Variants in B4GALT3 observed in about 807,000 individuals in gnomAD.
The protein encoded by B4GALT3 is N-acetyllactosamine synthase.
B4GALT3 carries 29 observed loss-of-function variants against 40.7 expected under a neutral mutation model. The ratio of observed to expected loss-of-function variants is 0.71; its 90% CI spans 0.53 to 0.97. The LOEUF (loss-of-function observed/expected upper bound fraction) is 0.97. Ranked by LOEUF, B4GALT3 falls within the 50% of genes least tolerant of loss-of-function variation. B4GALT3 has a pLI of 0.00. For missense variants in B4GALT3, 390 were observed against 522.3 expected (o/e 0.75, Z 2.47); for synonymous variants, 182 against 203.9 (o/e 0.89, Z 0.92).
Position 161,175,865 on chromosome 1 carries a change from C to T in B4GALT3, c.196G>A (p.Gly66Arg). The change falls in exon 3 of 8, where the codon GGG becomes AGG. Residue 66 changes from glycine to arginine, a missense_variant. Physicochemically the swap from Gly to Arg is moderately radical, Grantham distance 125 (BLOSUM62 -2). This residue lies in a region of B4GALT3 where 183 missense variants were observed against 223.2 expected (regional missense o/e 0.82). Coordinates refer to ENST00000319769, the MANE Select transcript of B4GALT3 (RefSeq NM_003779.4). Reference protein sequence around the residue: ...SNLSHLPGAPGGPPAPQGLPY... With the variant: ...SNLSHLPGAPRGPPAPQGLPY... ...AGACCTTGAGGAGCTGGAGGACCCCCTGGGGCCCCAGGCAGGTGACTGAGG... is the reference window on the plus strand; with the variant it reads ...AGACCTTGAGGAGCTGGAGGACCCCTTGGGGCCCCAGGCAGGTGACTGAGG... 1 of 1,614,154 alleles carries T rather than the reference C, an allele frequency of 6.2e-7. No homozygotes were observed. Among genetic ancestry groups the T allele is most frequent in the Non-Finnish European group, 8.5e-7 (1 of 1,180,032 alleles).
intron 3 of B4GALT3, among the ~76,000 whole-genome samples, 157 bp downstream of exon 3, chr1:161,175,651 A>G (rs1663219082): frequency 6.6e-6 from 1 of 151,846 alleles, no homozygotes; most frequent in Non-Finnish European, 1.5e-5. Context: ...CTCTATCTCA[A>G]CCTCAGCCCT....
chr1:161,171,894 C>G lies in B4GALT3; in HGVS notation c.1104G>C (p.Glu368Asp). 2.5e-6 allele frequency: 4 copies of G among 1,614,198 alleles called. No individual in the cohort carries two copies. The highest frequency in any genetic ancestry group is 3.4e-6 in the Non-Finnish European group (4 of 1,180,024). ...PPGSSQAFRQ[E>D]MLQRRPPARP... ...TGGCTGGGGGCCGGCGTTGCAGCAT[C>G]TCTTGACGGAAGGCTTGGGAGGAAC... The change falls in exon 8 of 8, where the codon GAG becomes GAC. Residue 368 changes from glutamate to aspartate, a missense_variant. Transcript: ENST00000319769.
chr1:161,171,547 A>T lies in B4GALT3; in HGVS notation c.*269T>A, dbSNP rs1232755365. ...TGGGGTCCAGCCCTGCTCCTACTCT[A>T]GGGGCAGGGACTCCTAGGAATCGTC... On this transcript the variant is annotated 3_prime_UTR_variant, in exon 8 of 8. Coordinates refer to ENST00000319769, the MANE Select transcript of B4GALT3 (RefSeq NM_003779.4). 1.2e-5 allele frequency: 7 copies of T among 587,188 alleles called. No homozygotes were observed. The East Asian group carries it at 2.1e-4, about 17-fold the overall frequency. 36.4% of individuals were successfully genotyped at this position (587,188 alleles called of 1,614,324 possible).
At chr1:161,172,150 T>A in intron 7 of B4GALT3, 61 bp from the exon 8 acceptor site, 1 of 1,612,222 alleles carries the variant, frequency 6.2e-7, no homozygotes. Context: ...CTAGGGACCT[T>A]TAGGATTTTC....
rs756992272 is a variant in B4GALT3 at position 161,174,041 on chromosome 1, A to T, written c.498T>A (p.Asn166Lys). ...ACAGTTTTGCCCTGTTAAATGTTCC[A>T]TTTCCAGCCTGGAAGATAATGGAGG... ...YGIYVIHQAG[N>K]GTFNRAKLLN... The change falls in exon 5 of 8, where the codon AAT (asparagine) becomes AAA (lysine). Residue 166 changes from asparagine (N) to lysine (K), a missense_variant. Physicochemically the swap from Asn to Lys is moderately conservative, Grantham distance 94 (BLOSUM62 0). Coordinates refer to ENST00000319769, the MANE Select transcript of B4GALT3 (RefSeq NM_003779.4). 1 of 1,613,520 alleles carries T rather than the reference A, an allele frequency of 6.2e-7. No homozygotes were observed. Among genetic ancestry groups the T allele is most frequent in the South Asian group, 1.1e-5 (1 of 91,034 alleles).
At chr1:161,172,147 C>T in intron 7 of B4GALT3, 58 bp from the exon 8 acceptor site, 1 of 1,611,896 alleles carries the variant, frequency 6.2e-7, no homozygotes, top group South Asian at 1.1e-5. Flanking sequence ...AATCTAGGGA[C>T]CTTTAGGATT....
intron 7 of B4GALT3, 30 bp from the exon 8 acceptor site, chr1:161,172,119 CA>C: frequency 6.2e-7 from 1 of 1,613,078 alleles, no homozygotes; most frequent in Non-Finnish European, 8.5e-7. Flanking sequence ...GACTAAGACC[CA>C]GAAAGGAACA....
At position 161,171,362 on chromosome 1, in the gene B4GALT3, C is replaced by A; in HGVS notation, c.*454G>T. The A allele has an allele frequency of 9.5e-7, 1 of 1,054,642 alleles. No individual in the cohort carries two copies. Among genetic ancestry groups the A allele is most frequent in the Non-Finnish European group, 1.4e-6 (1 of 725,760 alleles). The allele number at this position is 1,054,642 out of a possible 1,614,324, so 65.3% of individuals were successfully genotyped here. ...TATATCAAAATCCCAGCCCCCTGAG[C>A]CAGGACCAGAAGAGGGAGCTATTCC... On this transcript the variant is annotated 3_prime_UTR_variant, in exon 8 of 8. Transcript: ENST00000319769.
rs905136939 is a variant in B4GALT3, at chr1:161,175,937, G to C, written c.124C>G (p.Gln42Glu). The change falls in exon 3 of 8, where the codon CAG becomes GAG. Residue 42 changes from glutamine to glutamate, a missense_variant. By Grantham distance (29) the Gln-to-Glu change is conservative (BLOSUM62 2). Coordinates refer to ENST00000319769, the MANE Select transcript of B4GALT3 (RefSeq NM_003779.4). ...TGAGAATAGTCAAATGTCGGTCCCTGATCTCGGCCAAATAGGGCACTGAGA... is the reference window on the plus strand; with the variant it reads ...TGAGAATAGTCAAATGTCGGTCCCTCATCTCGGCCAAATAGGGCACTGAGA... ...RSLSALFGRD[Q>E]GPTFDYSHPR... 1.9e-6 allele frequency: 3 copies of C among 1,614,040 alleles called. No homozygotes were observed. In the African/African-American group the frequency reaches 4.0e-5, roughly 22 times the overall value.
Position 161,172,105 on chromosome 1 carries a change from T to G in B4GALT3, c.909-16A>C, listed in dbSNP as rs1299850050. 1.2e-6 allele frequency: 2 copies of G among 1,613,052 alleles called. No individual in the cohort carries two copies. Among genetic ancestry groups the G allele is most frequent in the South Asian group, 2.2e-5 (2 of 91,086 alleles). ...GAGGTCAAATCTGAGGGTTAGAGGT[T>G]GGAGACTAAGACCCAGAAAGGAACA... On this transcript the variant is annotated splice_polypyrimidine_tract_variant and intron_variant, in intron 7 of 7. Transcript: ENST00000319769.
At chr1:161,177,968 C>A (rs1056786865), upstream of B4GALT3, 1 of 152,150 alleles carries the variant, frequency 6.6e-6, no homozygotes, top group Admixed American at 6.5e-5. Context: ...ATCCCGCAGG[C>A]CTGGAAATAA....
At chr1:161,176,620 G>T in intron 1 of B4GALT3, 41 bp from the exon 2 acceptor site, 1 of 559,726 alleles carries the variant, frequency 1.8e-6, no homozygotes. Context: ...TACCTGCACC[G>T]CCAGAGATCA....
Position 161,171,718 on chromosome 1 carries a change from T to C in B4GALT3, c.*98A>G. 6.7e-7 allele frequency: 1 copy of C among 1,498,944 alleles called. No homozygotes were observed. The highest frequency in any genetic ancestry group is 2.3e-5 in the East Asian group (1 of 44,240). The allele number at this position is 1,498,944 out of a possible 1,614,324, so 92.9% of individuals were successfully genotyped here. A position where few individuals can be genotyped will look rare whatever the true frequency, so the allele number is the denominator to read the frequency against. ...CCCCTAGCACGGCACCAGAGTTCAG[T>C]TCCCTCACATCCCTCTGAGAACAGT... On this transcript the variant is annotated 3_prime_UTR_variant, in exon 8 of 8. Coordinates refer to ENST00000319769, the MANE Select transcript of B4GALT3 (RefSeq NM_003779.4).
At chr1:161,174,945 G>C (rs377250284) in intron 4 of B4GALT3, 48 bp downstream of exon 4, 8 of 1,578,554 alleles carry the variant, frequency 5.1e-6, no homozygotes, top group African/African-American at 2.7e-5. Flanking sequence ...TGTGCTTGAG[G>C]CTTCCTTAGA....
chr1:161,177,860 T>G (rs1664133628), upstream of B4GALT3: 1 of 152,300 alleles, frequency 6.6e-6, no homozygotes, highest in Non-Finnish European at 1.5e-5. Context: ...AGTGTGTCAG[T>G]GGCACCCCCT....
At chr1:161,172,182 T>C in intron 7 of B4GALT3, 45 bp downstream of exon 7, 1 of 1,612,928 alleles carries the variant, frequency 6.2e-7, no homozygotes, top group Admixed American at 1.7e-5. Context: ...TACAGAACCC[T>C]GAGGATCCAG....
intron 1 of B4GALT3, chr1:161,177,180 G>A (rs1663906838): frequency 5.5e-6 from 6 of 1,086,418 alleles, no homozygotes; most frequent in Non-Finnish European, 7.9e-6. Context: ...CTAGAGGGGC[G>A]TGGTCCGCGC....
intron 4 of B4GALT3, among the ~76,000 whole-genome samples, chr1:161,174,432 A>C (rs906808971): frequency 6.6e-6 from 1 of 152,064 alleles, no homozygotes; most frequent in Non-Finnish European, 1.5e-5. Context: ...AAAAAGAATA[A>C]AAGTGAAAAG....
intron 4 of B4GALT3, 49 bp downstream of exon 4, chr1:161,174,944 G>C: frequency 4.4e-6 from 7 of 1,578,106 alleles, no homozygotes; most frequent in Non-Finnish European, 6.1e-6. Context: ...ATGTGCTTGA[G>C]GCTTCCTTAG....
Sources: gnomAD v4.1 joint callset for allele counts (sites outside exome capture counted in the v4.1 genomes callset) on GRCh38, gnomAD v4.1.1 for gene constraint, gnomAD v4.1.1 regional missense constraint, MANE v1.5 for transcripts, NCBI Gene and HGNC (gene_info 2026-07-23, HGNC 2026-07-21) for gene names.